Variants in FLVCR2 observed in about 807,000 individuals in gnomAD.
FLVCR2 encodes FLVCR choline and putative heme transporter 2.
FLVCR2 carries 38 observed loss-of-function variants against 48.9 expected under a neutral mutation model. The observed-to-expected ratio is 0.78, with a 90% CI of 0.60 to 1.02. The LOEUF (loss-of-function observed/expected upper bound fraction) is 1.02, where lower values mean the gene tolerates loss of function less well. Ranked by LOEUF, FLVCR2 falls within the 50% of genes least tolerant of loss-of-function variation. The probability of loss-of-function intolerance (pLI) is 0.00; values close to 1 mark genes in which losing one functional copy is unlikely to be tolerated. For missense variants in FLVCR2, 664 were observed against 663.3 expected, an observed-to-expected ratio of 1.00 and a Z score of -0.01; for synonymous variants, 255 against 257.0, an observed-to-expected ratio of 0.99 and a Z score of 0.07.
Position 75,624,688 on chromosome 14 carries a change from A to G in FLVCR2, c.888A>G (p.Ser296=). ...LSYALTSPDA[S]YLGSIARLFK... ...ATGCCTTGACCTCTCCTGATGCCTC[A>G]TACTTAGGTTCCATCGCCCGGCTCT... The change falls in exon 3 of 10, where the codon TCA becomes TCG. Residue 296 remains serine, a synonymous_variant. Coordinates refer to ENST00000238667, the MANE Select transcript of FLVCR2 (RefSeq NM_017791.3). 1.2e-6 allele frequency: 2 copies of G among 1,614,088 alleles called. No homozygotes were observed. Among genetic ancestry groups the G allele is most frequent in the South Asian group, 1.1e-5 (1 of 91,080 alleles).
rs191898869 is a variant in FLVCR2, at chr14:75,582,320, A to T, written c.669+2679A>T. Reference sequence around the variant, plus strand: ...TGTAGGATATGGAAGGCCTATTTAGAGTCAGTATAAATATTGACATGTAGT... The same window carrying T: ...TGTAGGATATGGAAGGCCTATTTAGTGTCAGTATAAATATTGACATGTAGT... On this transcript the variant is annotated intron_variant, in intron 1 of 9. Coordinates refer to ENST00000238667, the MANE Select transcript of FLVCR2 (RefSeq NM_017791.3). 2.6e-5 allele frequency among the ~76,000 whole-genome samples: 4 copies of T among 152,348 alleles called. No individual in the cohort carries two copies. In the East Asian group the frequency reaches 7.7e-4, roughly 29 times the overall value.
intron 1 of FLVCR2, among the ~76,000 whole-genome samples, chr14:75,614,371 A>G (rs1353969882): frequency 6.6e-6 from 1 of 152,218 alleles, no homozygotes; most frequent in African/African-American, 2.4e-5. Flanking sequence ...ACAACCATGT[A>G]TTGAGTAAGC....
intron 3 of FLVCR2, among the ~76,000 whole-genome samples, chr14:75,632,383 T>C (rs1890068129): frequency 1.3e-5 from 2 of 152,222 alleles, no homozygotes; most frequent in African/African-American, 4.8e-5. Flanking sequence ...GAGAGACCTA[T>C]TCATTCTTGT....
intron 1 of FLVCR2, among the ~76,000 whole-genome samples, chr14:75,600,498 A>G (rs1889138510): frequency 6.6e-6 from 1 of 152,214 alleles, no homozygotes. Context: ...TTTCTTGTAT[A>G]AGATCCAAGA....
At chr14:75,638,743 T>C (rs1051524094) in intron 5 of FLVCR2, among the ~76,000 whole-genome samples, 1 of 152,212 alleles carries the variant, frequency 6.6e-6, no homozygotes, top group African/African-American at 2.4e-5. Flanking sequence ...CAGATTGATA[T>C]TGTTGAGTGG....
intron 1 of FLVCR2, among the ~76,000 whole-genome samples, chr14:75,598,271 T>G (rs1191573687): frequency 6.6e-6 from 1 of 152,050 alleles, no homozygotes; most frequent in East Asian, 1.9e-4. Context: ...TCACCTGAGG[T>G]ACTGAAAACG....
At chr14:75,599,334 C>A (rs1006441758) in intron 1 of FLVCR2, among the ~76,000 whole-genome samples, 3 of 144,742 alleles carry the variant, frequency 2.1e-5, no homozygotes, top group South Asian at 2.2e-4. Context: ...ACACCCCCCC[C>A]CAAAAAATTA....
chr14:75,632,365 A>C (rs760412362), intron 3 of FLVCR2, among the ~76,000 whole-genome samples: 2 of 152,010 alleles, frequency 1.3e-5, no homozygotes, highest in Non-Finnish European at 2.9e-5. Flanking sequence ...TGGTGATACA[A>C]ATGGACAGAG....
intron 1 of FLVCR2, among the ~76,000 whole-genome samples, chr14:75,606,360 G>C (rs576661401): frequency 1.2e-4 from 19 of 152,150 alleles, no homozygotes; most frequent in Non-Finnish European, 2.4e-4. Context: ...CATTCTCAAG[G>C]CTGTTTGTTT....
At chr14:75,614,519 A>G (rs992071084) in intron 1 of FLVCR2, among the ~76,000 whole-genome samples, 1 of 152,226 alleles carries the variant, frequency 6.6e-6, no homozygotes, top group African/African-American at 2.4e-5. Flanking sequence ...CTGAAAGATT[A>G]AAAAGGGGAT....
intron 1 of FLVCR2, among the ~76,000 whole-genome samples, chr14:75,581,780 G>A (rs1214853484): frequency 2.6e-5 from 4 of 152,174 alleles, no homozygotes; most frequent in Non-Finnish European, 1.5e-5. Flanking sequence ...AAGGGAGGGG[G>A]CCTGAACAAT....
At chr14:75,616,575 A>G (rs1337628248) in intron 1 of FLVCR2, among the ~76,000 whole-genome samples, 1 of 152,184 alleles carries the variant, frequency 6.6e-6, no homozygotes, top group Non-Finnish European at 1.5e-5. Context: ...ATAGCTCCTG[A>G]GAGCTCTGAA....
At chr14:75,619,038 A>G (rs1472997638) in intron 1 of FLVCR2, among the ~76,000 whole-genome samples, 1 of 152,140 alleles carries the variant, frequency 6.6e-6, no homozygotes, top group Non-Finnish European at 1.5e-5. Context: ...AACCTGGCCA[A>G]CATGGGGAAA....
rs1024525924 is a variant in FLVCR2 at position 75,605,865 on chromosome 14, T to A, written c.670-16214T>A. 5 of 524,484 alleles carry A rather than the reference T, an allele frequency of 9.5e-6. No individual in the cohort carries two copies. In the Admixed American group the frequency reaches 1.3e-4, roughly 13 times the overall value. 32.5% of individuals were successfully genotyped at this position (524,484 alleles called of 1,614,324 possible). On this transcript the variant is annotated intron_variant, in intron 1 of 9. Transcript: ENST00000238667. ...CTGGTTTTCTCCTTTTTTTCTTCTC[T>A]CCCCTGGAAACTCCTGATTTCTGCA...
At chr14:75,596,529 C>T (rs147237140) in intron 1 of FLVCR2, among the ~76,000 whole-genome samples, 50 of 152,108 alleles carry the variant, frequency 3.3e-4, no homozygotes, top group African/African-American at 1.1e-3. Context: ...AAGCATGACT[C>T]GGTGGTGTCA....
intron 1 of FLVCR2, among the ~76,000 whole-genome samples, chr14:75,598,441 T>C (rs1889078342): frequency 6.6e-6 from 1 of 151,772 alleles, no homozygotes; most frequent in Non-Finnish European, 1.5e-5. Flanking sequence ...GCTTTTTATA[T>C]TTTTTTTTCT....
At chr14:75,585,118 G>A (rs554150841) in intron 1 of FLVCR2, among the ~76,000 whole-genome samples, 158 of 152,268 alleles carry the variant, frequency 1.0e-3, no homozygotes, top group African/African-American at 3.7e-3. Context: ...GGAGAGATCA[G>A]ATGAGTCTGT....
intron 5 of FLVCR2, 131 bp downstream of exon 5, chr14:75,635,144 T>G (rs1410408422): frequency 7.0e-6 from 5 of 710,770 alleles, no homozygotes; most frequent in African/African-American, 3.5e-5. Flanking sequence ...GTTTGACTTC[T>G]CTGAGCCTCA....
intron 3 of FLVCR2, among the ~76,000 whole-genome samples, chr14:75,627,088 G>A (rs541765041): frequency 1.3e-5 from 2 of 151,954 alleles, no homozygotes; most frequent in South Asian, 2.1e-4. Context: ...CCTGGTCATC[G>A]AGGGGTCAAG....
Sources: gnomAD v4.1 joint callset for allele counts (sites outside exome capture counted in the v4.1 genomes callset) on GRCh38, gnomAD v4.1.1 for gene constraint, MANE v1.5 for transcripts, NCBI Gene and HGNC (gene_info 2026-07-23, HGNC 2026-07-21) for gene names.